Variants in LRFN1 observed in about 807,000 individuals in gnomAD.
The protein encoded by LRFN1 is leucine rich repeat and fibronectin type III domain containing 1.
In LRFN1, 20 loss-of-function variants were observed where a neutral mutation model predicts 31.8. The observed-to-expected ratio is 0.63, with a 90% CI of 0.44 to 0.91. The LOEUF (loss-of-function observed/expected upper bound fraction) is 0.91. Ranked by LOEUF, LRFN1 falls within the 40% of genes least tolerant of loss-of-function variation. LRFN1 has a pLI of 0.00. For synonymous variants in LRFN1, 514 were observed against 541.3 expected (o/e 0.95, Z 0.70); for missense variants, 912 against 1,129.8 (o/e 0.81, Z 2.76).
chr19:39,315,285 G>A lies in LRFN1; in HGVS notation c.52C>T (p.Leu18=), dbSNP rs867315728. The stretch of plus-strand genomic sequence containing the variant: ...GCCCAGAGCAGCAGCAGAAAGGGCA[G>A]GGCAGCGGGCGGCGGCGAGAGGAGG... ...SALLSPPPAA[L]PFLLLLWAGA... is the part of the protein sequence containing the mutation. The change falls in exon 4 of 5, where the codon CTG becomes TTG. Residue 18 remains leucine (L), a synonymous_variant. Coordinates refer to ENST00000248668, the MANE Select transcript of LRFN1 (RefSeq NM_020862.2). This position sits in a 1 kb window ranked among gnomAD's most constrained non-coding sequence, Gnocchi z 4.7. 6.6e-7 allele frequency: 1 copy of A among 1,510,500 alleles called. No individual in the cohort carries two copies. Among genetic ancestry groups the A allele is most frequent in the Admixed American group, 2.1e-5 (1 of 47,366 alleles). 93.6% of individuals were successfully genotyped at this position (1,510,500 alleles called of 1,614,324 possible).
Position 39,315,804 on chromosome 19 carries a change from G to A in LRFN1, c.-38+278C>T, listed in dbSNP as rs1466347847. Among the ~76,000 whole-genome samples, 1 of 152,188 alleles carries A rather than the reference G, an allele frequency of 6.6e-6. No homozygotes were observed. The highest frequency in any genetic ancestry group is 1.5e-5 in the Non-Finnish European group (1 of 68,030). The stretch of plus-strand genomic sequence containing the variant: ...ATTGCAATCCAGTCTGGGCGACAGA[G>A]CAAGACTCCATCTTAAAACATAAAT... On this transcript the variant is annotated intron_variant, in intron 3 of 4. Transcript: ENST00000248668. The surrounding 1 kb of genome is among the most constrained non-coding windows in gnomAD (Gnocchi z 4.7).
Position 39,307,750 on chromosome 19 carries a change from C to A in LRFN1, c.2199G>T (p.Pro733=). ...ARRTKRHRST[P]HLDGAGGGAA... ...CGCCCCCTCCAGCCCCGTCCAGGTG[C>A]GGCGTGGACCGGTGGCGCTTTGTCC... is the stretch of plus-strand genomic sequence containing the variant. Residue 733 remains proline (P), a synonymous_variant, in exon 5 of 5, where the codon CCG becomes CCT. Transcript: ENST00000248668. This position sits in a 1 kb window ranked among gnomAD's most constrained non-coding sequence, Gnocchi z 6.7. The A allele has an allele frequency of 6.7e-7, 1 of 1,487,142 alleles. No homozygotes were observed. Among genetic ancestry groups the A allele is most frequent in the Non-Finnish European group, 8.9e-7 (1 of 1,129,134 alleles). 92.1% of individuals were successfully genotyped at this position (1,487,142 alleles called of 1,614,324 possible). A position where few individuals can be genotyped will look rare whatever the true frequency, so the allele number is the denominator to read the frequency against.
Position 39,315,187 on chromosome 19 carries a change from C to T in LRFN1, c.150G>A (p.Leu50=), listed in dbSNP as rs762220771. The change falls in exon 4 of 5, where the codon CTG becomes CTA. Residue 50 remains leucine (L), a synonymous_variant. Transcript: ENST00000248668. The surrounding 1 kb of genome is among the most constrained non-coding windows in gnomAD (Gnocchi z 4.7). ...CQNVAPTLTM[L]CAKTGLLFVP... ...CAAAGAGCAAGCCGGTCTTGGCGCA[C>T]AGCATTGTCAGTGTGGGCGCCACGT... 3.2e-6 allele frequency: 5 copies of T among 1,586,268 alleles called. No homozygotes were observed. The highest frequency in any genetic ancestry group is 4.5e-5 in the East Asian group (2 of 44,364).
rs2145028980 is a variant in LRFN1, at chr19:39,308,686, C to T, written c.1407-144G>A. ...ACTGAGACAACAGCAGCAATTCAAG[C>T]CCCGCCTCCATCAACATATTCCCAC... On this transcript the variant is annotated intron_variant, in intron 4 of 4. Coordinates refer to ENST00000248668, the MANE Select transcript of LRFN1 (RefSeq NM_020862.2). The surrounding 1 kb of genome is among the most constrained non-coding windows in gnomAD (Gnocchi z 6.2). The T allele has an allele frequency of 4.0e-6, 3 of 748,354 alleles. No individual in the cohort carries two copies. Among genetic ancestry groups the T allele is most frequent in the Non-Finnish European group, 6.4e-6 (3 of 472,048 alleles). The allele number at this position is 748,354 out of a possible 1,614,324, so 46.4% of individuals were successfully genotyped here.
At chr19:39,319,510 A>C (rs1285153748) in intron 1 of LRFN1, among the ~76,000 whole-genome samples, 1 of 152,174 alleles carries the variant, frequency 6.6e-6, no homozygotes, top group African/African-American at 2.4e-5. Context: ...GCACACAGGC[A>C]CAAAAAGATC....
Position 39,308,032 on chromosome 19 carries a change from A to G in LRFN1, c.1917T>C (p.Leu639=). 1 of 1,549,550 alleles carries G rather than the reference A, an allele frequency of 6.5e-7. No individual in the cohort carries two copies. The highest frequency in any genetic ancestry group is 8.7e-7 in the Non-Finnish European group (1 of 1,152,552). Residue 639 remains leucine (L), a synonymous_variant, in exon 5 of 5, where the codon CTT becomes CTC. Transcript: ENST00000248668. This position sits in a 1 kb window ranked among gnomAD's most constrained non-coding sequence, Gnocchi z 6.2. ...ETASAEPEVV[L]GRSLGGSATS... Reference sequence around the variant, plus strand: ...TGGCCGAGCCGCCCAGAGAACGTCCAAGGACCACCTCCGGCTCCGCGGATG... The same window carrying G: ...TGGCCGAGCCGCCCAGAGAACGTCCGAGGACCACCTCCGGCTCCGCGGATG...
At position 39,308,296 on chromosome 19, in the gene LRFN1, G is replaced by A. The variant is rs1423092571; in HGVS notation, c.1653C>T (p.Phe551=). The A allele has an allele frequency of 6.2e-7, 1 of 1,613,378 alleles. No homozygotes were observed. Among genetic ancestry groups the A allele is most frequent in the Admixed American group, 1.7e-5 (1 of 60,016 alleles). ...TATAGCGGATCATGAGCAGAACGAT[G>A]AAGACGAGGACCGAGGCGACGATGA... ...GGVIVASVLV[F]IVLLMIRYKV... is the part of the protein sequence containing the mutation. The change falls in exon 5 of 5, where the codon TTC becomes TTT. Residue 551 remains phenylalanine, a synonymous_variant. Coordinates refer to ENST00000248668, the MANE Select transcript of LRFN1 (RefSeq NM_020862.2). This position sits in a 1 kb window ranked among gnomAD's most constrained non-coding sequence, Gnocchi z 6.2.
intron 4 of LRFN1, among the ~76,000 whole-genome samples, chr19:39,313,235 T>C (rs2145033857): frequency 6.6e-6 from 1 of 152,264 alleles, no homozygotes; most frequent in South Asian, 2.1e-4. Context: ...TTTATAAATA[T>C]AAATGTCGCT....
chr19:39,309,118 T>G (rs2075141476), intron 4 of LRFN1, among the ~76,000 whole-genome samples: 1 of 152,214 alleles, frequency 6.6e-6, no homozygotes, highest in African/African-American at 2.4e-5. Flanking sequence ...AAAACCATGA[T>G]GCAGGTCGCT....
chr19:39,307,631 G>A lies in LRFN1; in HGVS notation c.*2C>T. On this transcript the variant is annotated 3_prime_UTR_variant, in exon 5 of 5. Coordinates refer to ENST00000248668, the MANE Select transcript of LRFN1 (RefSeq NM_020862.2). This position sits in a 1 kb window ranked among gnomAD's most constrained non-coding sequence, Gnocchi z 6.7. The stretch of plus-strand genomic sequence containing the variant: ...CCAGGCGTCCCGGCGCCCGCCCGCC[G>A]CTCACACGGTACTCTCCAGCATCCA... 7.2e-7 allele frequency: 1 copy of A among 1,396,104 alleles called. No individual in the cohort carries two copies. Among genetic ancestry groups the A allele is most frequent in the Non-Finnish European group, 9.2e-7 (1 of 1,082,710 alleles). 86.5% of individuals were successfully genotyped at this position (1,396,104 alleles called of 1,614,324 possible).
In LRFN1 at chr19:39,314,412, C is replaced by T. The variant is rs1443850204; in HGVS notation, c.925G>A (p.Ala309Thr). ...ACCGCCTGGCCTTCCACCACCAGGG[C>T]CCGGCCCCCCGCCTGCCGTGTGATC... The part of the protein sequence containing the change: ...PLITRQAGGR[A>T]LVVEGQAVSL... Residue 309 changes from alanine to threonine, a missense_variant, in exon 4 of 5, where the codon GCC (alanine) becomes ACC (threonine). By Grantham distance (58) the Ala-to-Thr change is moderately conservative. This residue lies in a region of LRFN1 where 401 missense variants were observed against 572.7 expected (regional missense o/e 0.70). Coordinates refer to ENST00000248668, the MANE Select transcript of LRFN1 (RefSeq NM_020862.2). 15 of 1,603,328 alleles carry T rather than the reference C, an allele frequency of 9.4e-6. No individual in the cohort carries two copies. Among genetic ancestry groups the T allele is most frequent in the Non-Finnish European group, 1.3e-5 (15 of 1,176,742 alleles).
At chr19:39,309,584 T>C (rs1266261694) in intron 4 of LRFN1, among the ~76,000 whole-genome samples, 1 of 147,800 alleles carries the variant, frequency 6.8e-6, no homozygotes, top group African/African-American at 2.5e-5. Flanking sequence ...CTACAGGCCA[T>C]TCCCCAACCA....
In LRFN1 at chr19:39,311,066, C is replaced by T. The variant is rs150524670; in HGVS notation, c.1407-2524G>A. On this transcript the variant is annotated intron_variant, in intron 4 of 4. Coordinates refer to ENST00000248668, the MANE Select transcript of LRFN1 (RefSeq NM_020862.2). Reference sequence around the variant, plus strand: ...GAGCCCTGGATTCCACTTGCTCCTTCCCCTAAATAGCCAGTTGCTAGGGGC... The same window carrying T: ...GAGCCCTGGATTCCACTTGCTCCTTTCCCTAAATAGCCAGTTGCTAGGGGC... 5.3e-5 allele frequency among the ~76,000 whole-genome samples: 8 copies of T among 152,328 alleles called. No homozygotes were observed. The East Asian group carries it at 1.5e-3, about 29-fold the overall frequency.
At chr19:39,316,792 G>A (rs1600485822) in intron 2 of LRFN1, among the ~76,000 whole-genome samples, 8 of 152,308 alleles carry the variant, frequency 5.3e-5, no homozygotes, top group African/African-American at 1.4e-4. Flanking sequence ...GGCGGCTGCA[G>A]CCCACGACAT....
rs543679382 is a variant in LRFN1 at position 39,316,763 on chromosome 19, C to T, written c.-92-627G>A. ...TGTCTCTGCTCCAGGCAAAACCTTCCGGCAGGGATTCCCCCTGCGGCGGCT... is the reference window on the plus strand; with the variant it reads ...TGTCTCTGCTCCAGGCAAAACCTTCTGGCAGGGATTCCCCCTGCGGCGGCT... On this transcript the variant is annotated intron_variant, in intron 2 of 4. Transcript: ENST00000248668. Among the ~76,000 whole-genome samples, 11 of 152,282 alleles carry T rather than the reference C, an allele frequency of 7.2e-5. No homozygotes were observed. The South Asian group carries it at 1.7e-3, about 23-fold the overall frequency.
In LRFN1 at chr19:39,315,544, C is replaced by T. The variant is rs2075169478; in HGVS notation, c.-37-171G>A. Among the ~76,000 whole-genome samples the T allele has an allele frequency of 6.6e-6, 1 of 152,176 alleles. No individual in the cohort carries two copies. The highest frequency in any genetic ancestry group is 1.5e-5 in the Non-Finnish European group (1 of 68,032). Reference sequence around the variant, plus strand: ...CAGATTACAACACTTCCATGCTGGGCACAGTGGCTCACGCCTGTAATCCCA... The same window carrying T: ...CAGATTACAACACTTCCATGCTGGGTACAGTGGCTCACGCCTGTAATCCCA... On this transcript the variant is annotated intron_variant, in intron 3 of 4. Transcript: ENST00000248668. The surrounding 1 kb of genome is among the most constrained non-coding windows in gnomAD (Gnocchi z 4.7).
intron 4 of LRFN1, among the ~76,000 whole-genome samples, chr19:39,312,800 CA>C (rs34184676): frequency 0.32 from 30,291 of 93,618 alleles, 5,709 homozygotes; most frequent in African/African-American, 0.61. Flanking sequence ...AAGACCCTGC[CA>C]AAAAAAAAAA....
chr19:39,309,490 A>AC (rs1568568224), intron 4 of LRFN1, among the ~76,000 whole-genome samples: 103 of 137,312 alleles, frequency 7.5e-4, no homozygotes, highest in African/African-American at 2.5e-3. Context: ...AAAAAAAAAA[A>AC]AAAAAAAAAA....
At position 39,308,144 on chromosome 19, in the gene LRFN1, T is replaced by C; in HGVS notation, c.1805A>G (p.Gln602Arg). 1 of 1,539,916 alleles carries C rather than the reference T, an allele frequency of 6.5e-7. No homozygotes were observed. The highest frequency in any genetic ancestry group is 1.3e-5 in the South Asian group (1 of 79,454). Residue 602 changes from glutamine (Q) to arginine (R), a missense_variant, in exon 5 of 5, where the codon CAG becomes CGG. Transcript: ENST00000248668. This position sits in a 1 kb window ranked among gnomAD's most constrained non-coding sequence, Gnocchi z 6.2. Reference protein sequence around the residue: ...GAAQAPALPAQDHYEALREVE... With the variant: ...GAAQAPALPARDHYEALREVE... ...CTCGCGCAGCGCCTCGTAGTGGTCC[T>C]GGGCCGGCAGGGCCGGGGCCTGTGC...
Sources: allele counts gnomAD v4.1 joint callset (sites outside exome capture counted in the v4.1 genomes callset), GRCh38; gene constraint gnomAD v4.1.1; regional missense constraint gnomAD v4.1.1; non-coding constraint Gnocchi (gnomAD v3.1); transcripts MANE v1.5; gene names NCBI Gene and HGNC (gene_info 2026-07-23, HGNC 2026-07-21).